The following PSD3 variants were observed in gnomAD, a reference collection of about 807,000 sequenced individuals.
PSD3 encodes PH and SEC7 domain-containing protein 3.
PSD3 carries 49 observed loss-of-function variants against 105.5 expected under a neutral mutation model. The observed-to-expected ratio is 0.46, with a 90% CI of 0.37 to 0.59. The LOEUF (loss-of-function observed/expected upper bound fraction) is 0.59, where lower values mean the gene tolerates loss of function less well. Among genes scored for constraint, PSD3 ranks in the 20% least tolerant of loss-of-function variants. The pLI, the probability that PSD3 is intolerant of heterozygous loss-of-function variation, is 0.00. For missense variants in PSD3, 1,561 were observed against 1,263.8 expected, an observed-to-expected ratio of 1.24 and a Z score of -3.57; for synonymous variants, 557 against 457.8, an observed-to-expected ratio of 1.22 and a Z score of -2.77.
At chr8:18,687,446 A>T (rs1280904610) in intron 9 of PSD3, among the ~76,000 whole-genome samples, 1 of 151,856 alleles carries the variant, frequency 6.6e-6, no homozygotes, top group Non-Finnish European at 1.5e-5. Context: ...AGCTTGGGAG[A>T]CACAGTGAGA....
chr8:18,933,695 T>C (rs1390683729), intron 2 of PSD3, among the ~76,000 whole-genome samples: 5 of 152,184 alleles, frequency 3.3e-5, no homozygotes. Flanking sequence ...CTCAAACTCC[T>C]GACCTCTGGT....
chr8:18,564,034 T>C (rs1283701141), intron 14 of PSD3, among the ~76,000 whole-genome samples: 1 of 152,122 alleles, frequency 6.6e-6, no homozygotes, highest in Non-Finnish European at 1.5e-5. Context: ...TGTCTAACAG[T>C]GCTGAACTCG....
chr8:18,890,110 G>C (rs1818691329), intron 2 of PSD3, among the ~76,000 whole-genome samples: 1 of 152,034 alleles, frequency 6.6e-6, no homozygotes, highest in African/African-American at 2.4e-5. Flanking sequence ...AACATCCTCT[G>C]TTTTATTGTT....
chr8:18,705,567 A>G (rs1801848155), intron 9 of PSD3, among the ~76,000 whole-genome samples: 1 of 151,712 alleles, frequency 6.6e-6, no homozygotes, highest in South Asian at 2.1e-4. Context: ...AAATTCGTTA[A>G]ATAACATAAG....
chr8:18,808,682 T>C (rs539930377), intron 4 of PSD3: 6 of 1,585,464 alleles, frequency 3.8e-6, no homozygotes, highest in East Asian at 4.5e-5. Flanking sequence ...GTTTAGGAGA[T>C]TATTTGAACA....
At chr8:18,680,018 G>A (rs1201055645) in intron 9 of PSD3, among the ~76,000 whole-genome samples, 3 of 152,156 alleles carry the variant, frequency 2.0e-5, no homozygotes, top group African/African-American at 7.2e-5. Flanking sequence ...AGAAACAACA[G>A]TTTGAGATTC....
In PSD3 at chr8:18,556,282, T is replaced by C; in HGVS notation, c.2855A>G (p.Tyr952Cys). Residue 952 changes from tyrosine (Y) to cysteine (C), a missense_variant, in exon 15 of 16, where the codon TAT (tyrosine) becomes TGT (cysteine). Tyr to Cys is a radical substitution (Grantham distance 194, BLOSUM62 -2). Coordinates refer to ENST00000327040, the MANE Select transcript of PSD3 (RefSeq NM_015310.4). ...GGCTTTGACCTTCTTGTCGGGGGGATATGAGCGGTGCTCGGCCAGCTCGGT... is the reference window on the plus strand; with the variant it reads ...GGCTTTGACCTTCTTGTCGGGGGGACATGAGCGGTGCTCGGCCAGCTCGGT... ...ITTELAEHRSYPPDKKVKAKD... is the reference protein window; with the variant it reads ...ITTELAEHRSCPPDKKVKAKD... 3 of 1,614,114 alleles carry C rather than the reference T, an allele frequency of 1.9e-6. No homozygotes were observed. Among genetic ancestry groups the C allele is most frequent in the Middle Eastern group, 1.6e-4 (1 of 6,062 alleles).
chr8:18,755,753 T>C (rs1352330322), intron 9 of PSD3, among the ~76,000 whole-genome samples: 1 of 145,542 alleles, frequency 6.9e-6, no homozygotes, highest in Non-Finnish European at 1.5e-5. Flanking sequence ...TTCTTTTTGG[T>C]AATTTTTTTT....
At chr8:18,897,238 A>G (rs1819211907) in intron 2 of PSD3, among the ~76,000 whole-genome samples, 1 of 152,084 alleles carries the variant, frequency 6.6e-6, no homozygotes, top group Non-Finnish European at 1.5e-5. Context: ...TCTTCTTTTG[A>G]GACGTGATGT....
intron 9 of PSD3, among the ~76,000 whole-genome samples, chr8:18,741,288 A>G (rs1171724121): frequency 6.6e-6 from 1 of 152,164 alleles, no homozygotes; most frequent in African/African-American, 2.4e-5. Flanking sequence ...TTATGGTTAG[A>G]GAAAGTGGAC....
intron 2 of PSD3, among the ~76,000 whole-genome samples, chr8:18,895,647 G>T (rs1819098982): frequency 6.6e-6 from 1 of 152,178 alleles, no homozygotes; most frequent in Non-Finnish European, 1.5e-5. Flanking sequence ...AAACCTGTGT[G>T]TTGGGGGTTT....
chr8:19,050,694 T>G (rs1229301624), intron 1 of PSD3, among the ~76,000 whole-genome samples: 2 of 151,444 alleles, frequency 1.3e-5, no homozygotes, highest in Non-Finnish European at 2.9e-5. Flanking sequence ...TGTGGGGTGG[T>G]GGGAAGGGGG....
chr8:19,043,276 C>G (rs1392867655), intron 1 of PSD3, among the ~76,000 whole-genome samples: 1 of 152,134 alleles, frequency 6.6e-6, no homozygotes, highest in African/African-American at 2.4e-5. Flanking sequence ...GATTTTGGAA[C>G]AGTTTTAGTG....
At chr8:18,948,564 T>C (rs1309239161) in intron 1 of PSD3, among the ~76,000 whole-genome samples, 1 of 152,210 alleles carries the variant, frequency 6.6e-6, no homozygotes, top group African/African-American at 2.4e-5. Context: ...AAGCAGAGAC[T>C]ACAGGCTCAC....
chr8:18,997,107 A>G (rs1826121945), intron 1 of PSD3, among the ~76,000 whole-genome samples: 1 of 151,536 alleles, frequency 6.6e-6, no homozygotes, highest in African/African-American at 2.4e-5. Flanking sequence ...TTTCCTTTCT[A>G]TTGACATTCG....
chr8:18,847,815 C>T (rs1166267224), intron 4 of PSD3, among the ~76,000 whole-genome samples: 2 of 152,156 alleles, frequency 1.3e-5, no homozygotes, highest in Non-Finnish European at 2.9e-5. Flanking sequence ...ATCAGAGTCA[C>T]GCTGGCCTTG....
chr8:18,809,792 C>T lies in PSD3; in HGVS notation c.1635-4894G>A, dbSNP rs531520711. On this transcript the variant is annotated intron_variant, in intron 4 of 15. Transcript: ENST00000327040. ...CGATTTTATTCCTACTGTTTTTCTACAGTTTTATCAAGACTTTGTTGCCTA... is the reference window on the plus strand; with the variant it reads ...CGATTTTATTCCTACTGTTTTTCTATAGTTTTATCAAGACTTTGTTGCCTA... 4.6e-5 allele frequency among the ~76,000 whole-genome samples: 7 copies of T among 152,232 alleles called. 1 individual carries two copies. In the South Asian group the frequency reaches 1.5e-3, roughly 32 times the overall value.
intron 4 of PSD3, among the ~76,000 whole-genome samples, chr8:18,823,727 A>G (rs1812933379): frequency 6.6e-6 from 1 of 151,920 alleles, no homozygotes; most frequent in Non-Finnish European, 1.5e-5. Flanking sequence ...AAATGAGGAC[A>G]CCATACCTCC....
At chr8:18,640,108 G>A (rs370320878) in intron 10 of PSD3, among the ~76,000 whole-genome samples, 2 of 152,156 alleles carry the variant, frequency 1.3e-5, no homozygotes, top group African/African-American at 4.8e-5. Context: ...CTGTGGTCGT[G>A]AATCCATTCT....
Sources: allele counts gnomAD v4.1 joint callset (sites outside exome capture counted in the v4.1 genomes callset), GRCh38; gene constraint gnomAD v4.1.1; transcripts MANE v1.5; gene names NCBI Gene and HGNC (gene_info 2026-07-23, HGNC 2026-07-21).